TPRG1: variants seen among roughly 807,000 people sequenced by gnomAD.
The protein encoded by TPRG1 is tumor protein p63-regulated gene 1 protein.
TPRG1 carries 29 observed loss-of-function variants against 29.3 expected under a neutral mutation model. That is an observed-to-expected ratio of 0.99 (90% CI 0.74 to 1.35). TPRG1 has a LOEUF of 1.35. Ranked by LOEUF, TPRG1 falls within the 40% of genes most tolerant of loss-of-function variation. TPRG1 has a pLI of 0.00. For missense variants in TPRG1, 327 were observed against 335.0 expected, an observed-to-expected ratio of 0.98 and a Z score of 0.19; for synonymous variants, 130 against 116.8, an observed-to-expected ratio of 1.11 and a Z score of -0.73.
At chr3:189,260,630 G>A (rs1176192392) in intron 4 of TPRG1, among the ~76,000 whole-genome samples, 3 of 152,206 alleles carry the variant, frequency 2.0e-5, no homozygotes, top group South Asian at 2.1e-4. Context: ...CCCTGCAAGA[G>A]AAGGCATCGC....
intron 3 of TPRG1, among the ~76,000 whole-genome samples, chr3:189,137,296 A>ATGTGTGTGTGTGTGTGTG (rs10525363): frequency 1.5e-5 from 2 of 129,844 alleles, no homozygotes; most frequent in South Asian, 2.8e-4. Context: ...AAACCCCAAA[A>ATGTGTGTGTGTGTGTGTG]TGTGTGTGTG....
intron 5 of TPRG1, among the ~76,000 whole-genome samples, chr3:189,161,502 T>C (rs975594907): frequency 2.6e-5 from 4 of 152,148 alleles, no homozygotes; most frequent in Admixed American, 6.6e-5. Flanking sequence ...CACATTGCCT[T>C]ATCTTTCTCA....
At chr3:189,170,605 G>A (rs1728704137), upstream of TPRG1, among the ~76,000 whole-genome samples, 1 of 152,180 alleles carries the variant, frequency 6.6e-6, no homozygotes, top group African/African-American at 2.4e-5. Flanking sequence ...CAGAGAATGT[G>A]TTTGGTTCCT....
At chr3:189,299,610 TTATTTTGAGTTGTG>T (rs1241354341) in intron 4 of TPRG1, among the ~76,000 whole-genome samples, 2 of 151,548 alleles carry the variant, frequency 1.3e-5, no homozygotes, top group Non-Finnish European at 2.9e-5. Flanking sequence ...CATTTTTGTT[TTATTTTGAGTTGTG>T]TATTTTTTTT....
At position 189,162,270 on chromosome 3, in the gene TPRG1, G is replaced by C. The variant is rs571958390; in HGVS notation, c.-10+11398G>C. ...AGCCTCCCAAAGTGCTGGGATTACAGGCATGAGCCATCGCACCCAGCCGAA... is the reference window on the plus strand; with the variant it reads ...AGCCTCCCAAAGTGCTGGGATTACACGCATGAGCCATCGCACCCAGCCGAA... On this transcript the variant is annotated intron_variant, in intron 5 of 6. Coordinates refer to the TPRG1 transcript ENST00000412373. 6.6e-5 allele frequency among the ~76,000 whole-genome samples: 10 copies of C among 152,250 alleles called. No homozygotes were observed. In the South Asian group the frequency reaches 2.1e-3, roughly 32 times the overall value.
rs117254242 is a variant in TPRG1 at position 188,997,916 on chromosome 3, T to A, written c.-1015-2858T>A. 2.0e-5 allele frequency among the ~76,000 whole-genome samples: 3 copies of A among 152,314 alleles called. No individual in the cohort carries two copies. In the East Asian group the frequency reaches 5.8e-4, roughly 29 times the overall value. Reference sequence around the variant, plus strand: ...AGACACGATTTTTCCCCATTGGCTTTACTTTACATAGATCCTTTCTCTACA... The same window carrying A: ...AGACACGATTTTTCCCCATTGGCTTAACTTTACATAGATCCTTTCTCTACA... On this transcript the variant is annotated intron_variant, in intron 1 of 10. Transcript: ENST00000433971.
intron 4 of TPRG1, among the ~76,000 whole-genome samples, chr3:189,061,573 G>A (rs1716105983): frequency 6.6e-6 from 1 of 151,902 alleles, no homozygotes; most frequent in Non-Finnish European, 1.5e-5. Flanking sequence ...AGCAGCTATA[G>A]GGAACTTAAA....
intron 3 of TPRG1, 41 bp from the exon 4 acceptor site, chr3:189,238,692 G>A: frequency 6.6e-7 from 1 of 1,525,102 alleles, no homozygotes; most frequent in Non-Finnish European, 8.9e-7. Context: ...TTTAACTTAG[G>A]CTGTGTCATC....
chr3:189,172,068 A>G lies in TPRG1; in HGVS notation c.-73A>G, dbSNP rs943179897. 2 of 152,254 alleles carry G rather than the reference A, an allele frequency of 1.3e-5. No individual in the cohort carries two copies. The highest frequency in any genetic ancestry group is 2.4e-5 in the African/African-American group (1 of 41,450). 9.4% of individuals were successfully genotyped at this position (152,254 alleles called of 1,614,324 possible). Reference sequence around the variant, plus strand: ...GCCAATCACACCTCTCCTGGCCACTATCTGTGGTCTAGCCCCCTTTGTGCA... The same window carrying G: ...GCCAATCACACCTCTCCTGGCCACTGTCTGTGGTCTAGCCCCCTTTGTGCA... On this transcript the variant is annotated 5_prime_UTR_variant, in exon 1 of 6. Transcript: ENST00000345063.
At position 189,160,672 on chromosome 3, in the gene TPRG1, A is replaced by C. The variant is rs954920670; in HGVS notation, c.-10+9800A>C. On this transcript the variant is annotated intron_variant, in intron 5 of 6. Transcript: ENST00000412373. The stretch of plus-strand genomic sequence containing the variant: ...CGGCTACAGGAATCAAAATAAAAGA[A>C]CTCCAGGGAAAGGCAAAAGCTCAGA... 3.3e-5 allele frequency among the ~76,000 whole-genome samples: 5 copies of C among 152,074 alleles called. No individual in the cohort carries two copies. In the South Asian group the frequency reaches 1.0e-3, roughly 32 times the overall value.
chr3:189,233,839 C>A (rs571288527), intron 3 of TPRG1, among the ~76,000 whole-genome samples: 2 of 152,204 alleles, frequency 1.3e-5, no homozygotes, highest in African/African-American at 2.4e-5. Flanking sequence ...AGGGCCACAA[C>A]TGAAGCACTG....
At chr3:189,021,590 C>G (rs1488391671) in intron 3 of TPRG1, among the ~76,000 whole-genome samples, 1 of 152,146 alleles carries the variant, frequency 6.6e-6, no homozygotes, top group African/African-American at 2.4e-5. Flanking sequence ...AGGGTTTCTG[C>G]CGAGAGATCT....
chr3:189,133,460 G>A (rs1018716544), intron 3 of TPRG1, among the ~76,000 whole-genome samples: 1 of 152,138 alleles, frequency 6.6e-6, no homozygotes, highest in African/African-American at 2.4e-5. Flanking sequence ...CCCTCGTATT[G>A]AGGGAGGGAA....
In TPRG1 at chr3:189,215,308, C is replaced by G; in HGVS notation, c.227C>G (p.Thr76Ser). Residue 76 changes from threonine (T) to serine (S), a missense_variant, in exon 3 of 6, where the codon ACT becomes AGT. By Grantham distance (58) the Thr-to-Ser change is moderately conservative. Coordinates refer to ENST00000345063, the MANE Select transcript of TPRG1 (RefSeq NM_198485.4). ...TCCACACAGCCGGGGGCCATTGAGA[C>G]TGCCATGGAAGACTTGAAAGGTCAC... ...YFATRPGAIETAMEDLKGHVA... is the reference protein window; with the variant it reads ...YFATRPGAIESAMEDLKGHVA... 1 of 1,612,482 alleles carries G rather than the reference C, an allele frequency of 6.2e-7. No homozygotes were observed. The highest frequency in any genetic ancestry group is 8.5e-7 in the Non-Finnish European group (1 of 1,179,328).
intron 4 of TPRG1, among the ~76,000 whole-genome samples, chr3:189,254,604 C>T (rs1436509852): frequency 1.3e-5 from 2 of 152,174 alleles, no homozygotes; most frequent in African/African-American, 2.4e-5. Flanking sequence ...CCATAAATTA[C>T]TTTGGGCAGT....
chr3:189,081,497 A>C (rs532323884), intron 4 of TPRG1, among the ~76,000 whole-genome samples: 1 of 152,348 alleles, frequency 6.6e-6, no homozygotes, highest in East Asian at 1.9e-4. Flanking sequence ...GTATAGTTAC[A>C]TGATGAACAA....
intron 1 of TPRG1, among the ~76,000 whole-genome samples, chr3:189,206,409 A>G (rs1159488010): frequency 1.3e-5 from 2 of 151,830 alleles, no homozygotes; most frequent in Admixed American, 1.3e-4. Context: ...GTTTTTACAT[A>G]CAGTGTTGTA....
At chr3:189,056,091 T>C (rs949746594) in intron 4 of TPRG1, among the ~76,000 whole-genome samples, 1 of 138,358 alleles carries the variant, frequency 7.2e-6, no homozygotes, top group African/African-American at 2.7e-5. Flanking sequence ...CTTCCTTCCT[T>C]CCTTCCTTCC....
Position 189,201,016 on chromosome 3 carries a change from G to A in TPRG1, c.-9-6360G>A, listed in dbSNP as rs186682129. Among the ~76,000 whole-genome samples, 173 of 152,296 alleles carry A rather than the reference G, an allele frequency of 1.1e-3. 1 individual carries two copies. The highest frequency in any genetic ancestry group is 1.8e-3 in the Non-Finnish European group (123 of 68,008). ...ACCCTTTTCATTTCTCCCATCACAT[G>A]AGGACACAGCATTTGTCCCCTTTGG... On this transcript the variant is annotated intron_variant, in intron 1 of 5. Transcript: ENST00000345063.
Sources: gnomAD v4.1 joint callset for allele counts (sites outside exome capture counted in the v4.1 genomes callset) on GRCh38, gnomAD v4.1.1 for gene constraint, MANE v1.5 for transcripts, NCBI Gene and HGNC (gene_info 2026-07-23, HGNC 2026-07-21) for gene names.